Variants in THRB observed in about 807,000 individuals in gnomAD.
The protein encoded by THRB is thyroid hormone receptor beta, also known as nuclear receptor subfamily 1 group A member 2.
A neutral mutation model predicts 47.8 loss-of-function variants in THRB; 12 were observed. The observed-to-expected ratio is 0.25, with a 90% CI of 0.16 to 0.41. The LOEUF (loss-of-function observed/expected upper bound fraction) is 0.41, where lower values mean the gene tolerates loss of function less well. Ranked by LOEUF, THRB falls within the 10% of genes least tolerant of loss-of-function variation. The pLI is 1.00. For synonymous variants in THRB, 218 were observed against 212.2 expected (o/e 1.03, Z -0.24); for missense variants, 348 against 589.2 (o/e 0.59, Z 4.24).
intron 2 of THRB, among the ~76,000 whole-genome samples, chr3:24,299,781 A>ATTT (rs1440289568): frequency 5.2e-5 from 2 of 38,684 alleles, no homozygotes; most frequent in African/African-American, 8.8e-5. Flanking sequence ...TTATTTATTT[A>ATTT]TTTATTTATT....
chr3:24,482,167 A>C (rs983006561), intron 1 of THRB, among the ~76,000 whole-genome samples: 1 of 152,220 alleles, frequency 6.6e-6, no homozygotes, highest in Non-Finnish European at 1.5e-5. Context: ...TCCAAGGTAC[A>C]AGTTTACTCA....
rs2047978862 is a variant in THRB, at chr3:24,228,955, G to A, written c.5C>T (p.Thr2Ile). The change falls in exon 4 of 11, where the codon ACT becomes ATT. Residue 2 changes from threonine to isoleucine, a missense_variant. This residue lies in a region of THRB where 148 missense variants were observed against 122.3 expected (regional missense o/e 1.21). Transcript: ENST00000646209. ...AAAGATACCTGTCATACTGTTGGGA[G>A]TCATAGGTTAGTAATCATTCTGGAT... M[T>I]PNSMTENGLT... 1 of 1,612,434 alleles carries A rather than the reference G, an allele frequency of 6.2e-7. No homozygotes were observed. Among genetic ancestry groups the A allele is most frequent in the Non-Finnish European group, 8.5e-7 (1 of 1,179,064 alleles).
intron 1 of THRB, among the ~76,000 whole-genome samples, chr3:24,380,430 T>G (rs1260803114): frequency 1.3e-5 from 2 of 151,934 alleles, no homozygotes; most frequent in Non-Finnish European, 2.9e-5. Context: ...CAGCGTTCCT[T>G]AAACATACCA....
chr3:24,302,253 A>G (rs1382898465), intron 2 of THRB, among the ~76,000 whole-genome samples: 2 of 152,196 alleles, frequency 1.3e-5, no homozygotes, highest in African/African-American at 4.8e-5. Flanking sequence ...TCCTTTGCCA[A>G]TATCCAGTTG....
Position 24,122,403 on chromosome 3 carries a change from A to G in THRB, c.*481T>C, listed in dbSNP as rs1031283786. ...CTGCAAACAGCATGCTCTTGAATAGATGAAAATTTGTTCGAGTCTTTCCCT... is the reference window on the plus strand; with the variant it reads ...CTGCAAACAGCATGCTCTTGAATAGGTGAAAATTTGTTCGAGTCTTTCCCT... On this transcript the variant is annotated 3_prime_UTR_variant, in exon 11 of 11. Transcript: ENST00000646209. 1 of 218,494 alleles carries G rather than the reference A, an allele frequency of 4.6e-6. No individual in the cohort carries two copies. The highest frequency in any genetic ancestry group is 9.2e-6 in the Non-Finnish European group (1 of 108,324). The allele number at this position is 218,494 out of a possible 1,614,324, so 13.5% of individuals were successfully genotyped here. A position where few individuals can be genotyped will look rare whatever the true frequency, so the allele number is the denominator to read the frequency against.
chr3:24,264,936 C>A (rs2052491846), intron 3 of THRB, among the ~76,000 whole-genome samples: 1 of 152,130 alleles, frequency 6.6e-6, no homozygotes, highest in African/African-American at 2.4e-5. Flanking sequence ...GCTAATAATA[C>A]CATCAATGGG....
chr3:24,329,620 G>A (rs1241094878), intron 2 of THRB, among the ~76,000 whole-genome samples: 1 of 152,254 alleles, frequency 6.6e-6, no homozygotes, highest in African/African-American at 2.4e-5. Context: ...CTGCACAACT[G>A]TATTGAACAG....
intron 2 of THRB, among the ~76,000 whole-genome samples, chr3:24,312,395 A>T (rs147474842): frequency 1.3e-5 from 2 of 152,192 alleles, no homozygotes. Flanking sequence ...GTAAATACTA[A>T]CTGTACTTCC....
At chr3:24,235,275 C>T (rs2048743426) in intron 3 of THRB, among the ~76,000 whole-genome samples, 1 of 152,174 alleles carries the variant, frequency 6.6e-6, no homozygotes, top group Non-Finnish European at 1.5e-5. Flanking sequence ...ACCTTTGTCC[C>T]CTTGTGTTTC....
intron 1 of THRB, among the ~76,000 whole-genome samples, chr3:24,462,551 T>C (rs965289754): frequency 2.0e-5 from 3 of 152,236 alleles, no homozygotes; most frequent in Admixed American, 6.5e-5. Flanking sequence ...TGTTCTGTGG[T>C]AATACATAGT....
At chr3:24,485,653 T>C (rs556638363) in intron 1 of THRB, among the ~76,000 whole-genome samples, 1 of 152,358 alleles carries the variant, frequency 6.6e-6, no homozygotes, top group African/African-American at 2.4e-5. Context: ...CCTGCTCCAA[T>C]GGCCTCATTT....
At chr3:24,352,002 A>G (rs1199582183) in intron 1 of THRB, among the ~76,000 whole-genome samples, 4 of 152,172 alleles carry the variant, frequency 2.6e-5, no homozygotes, top group African/African-American at 4.8e-5. Flanking sequence ...GCAACTGACA[A>G]TGAAGAATGG....
intron 1 of THRB, among the ~76,000 whole-genome samples, chr3:24,446,805 A>G (rs1209313187): frequency 2.6e-5 from 4 of 152,156 alleles, no homozygotes; most frequent in African/African-American, 4.8e-5. Flanking sequence ...CCATAGCTTT[A>G]TCCTGAAACT....
At chr3:24,346,558 C>T (rs2063030694) in intron 1 of THRB, among the ~76,000 whole-genome samples, 1 of 151,778 alleles carries the variant, frequency 6.6e-6, no homozygotes, top group Non-Finnish European at 1.5e-5. Flanking sequence ...TTAAATGCTG[C>T]TTAACTGAGA....
intron 3 of THRB, among the ~76,000 whole-genome samples, chr3:24,283,758 A>G (rs1176950148): frequency 6.6e-6 from 1 of 151,864 alleles, no homozygotes; most frequent in Non-Finnish European, 1.5e-5. Flanking sequence ...AAATCAATGT[A>G]CAAAAATCAC....
chr3:24,371,905 A>G (rs1026022766), intron 1 of THRB, among the ~76,000 whole-genome samples: 4 of 152,148 alleles, frequency 2.6e-5, no homozygotes, highest in Non-Finnish European at 4.4e-5. Flanking sequence ...TTTTGTGTTT[A>G]TAAGACGTGA....
chr3:24,418,299 A>G (rs2068929330), intron 1 of THRB, among the ~76,000 whole-genome samples: 1 of 151,222 alleles, frequency 6.6e-6, no homozygotes. Flanking sequence ...ACTTGGTTGA[A>G]TAAGCTATGA....
chr3:24,431,277 C>CT (rs2070390805), intron 1 of THRB, among the ~76,000 whole-genome samples: 2 of 151,618 alleles, frequency 1.3e-5, no homozygotes, highest in African/African-American at 2.4e-5. Context: ...CACACACACA[C>CT]ACACACACAC....
intron 4 of THRB, among the ~76,000 whole-genome samples, chr3:24,219,460 G>A (rs1191374119): frequency 6.6e-6 from 1 of 152,200 alleles, no homozygotes; most frequent in Non-Finnish European, 1.5e-5. Flanking sequence ...TGGAGAGTTT[G>A]CTGTTCTGAT....
Sources: gnomAD v4.1 joint callset for allele counts (sites outside exome capture counted in the v4.1 genomes callset) on GRCh38, gnomAD v4.1.1 for gene constraint, gnomAD v4.1.1 regional missense constraint, MANE v1.5 for transcripts, NCBI Gene and HGNC (gene_info 2026-07-23, HGNC 2026-07-21) for gene names.